Variants in RANBP2 observed in about 807,000 individuals in gnomAD.
The protein encoded by RANBP2 is E3 SUMO-protein ligase RanBP2.
Under a neutral mutation model 303.6 loss-of-function variants are expected in RANBP2, and 57 were observed. That is an observed-to-expected ratio of 0.19 (90% CI 0.15 to 0.23). The LOEUF is 0.23. RANBP2 is among the 10% of genes least tolerant of loss of function. RANBP2 has a pLI of 1.00. For synonymous variants in RANBP2, 1,167 were observed against 1,301.5 expected, an observed-to-expected ratio of 0.90 and a Z score of 2.23; for missense variants, 3,138 against 3,780.8, an observed-to-expected ratio of 0.83 and a Z score of 4.46.
the RANBP2 span, among the ~76,000 whole-genome samples, chr2:109,510,733 C>T: frequency 2.6e-5 from 4 of 152,202 alleles, no homozygotes; most frequent in South Asian, 2.1e-4. Context: ...GGAAGGGCCC[C>T]GTCTGACCAG....
rs748245436 is a variant in RANBP2 at position 108,736,088 on chromosome 2, T to C, written c.637-16T>C. On this transcript the variant is annotated splice_polypyrimidine_tract_variant and intron_variant, in intron 5 of 28. Transcript: ENST00000283195. ...TTGATTAAGTTTTGTAACTTACTGTTCATTCCACAAAATAGGAATATCTGG... is the reference window on the plus strand; with the variant it reads ...TTGATTAAGTTTTGTAACTTACTGTCCATTCCACAAAATAGGAATATCTGG... The C allele has an allele frequency of 6.2e-7, 1 of 1,611,760 alleles. No homozygotes were observed. Among genetic ancestry groups the C allele is most frequent in the Non-Finnish European group, 8.5e-7 (1 of 1,179,774 alleles).
At chr2:109,480,454 A>C in the RANBP2 span, among the ~76,000 whole-genome samples, 1 of 152,176 alleles carries the variant, frequency 6.6e-6, no homozygotes, top group Non-Finnish European at 1.5e-5. Context: ...AGTAATAAGG[A>C]GAGGAGTCCA....
At chr2:109,150,879 A>G in the RANBP2 span, among the ~76,000 whole-genome samples, 2 of 152,236 alleles carry the variant, frequency 1.3e-5, no homozygotes, top group Non-Finnish European at 2.9e-5. Context: ...AAATATGGGC[A>G]TATAAGTCAG....
the RANBP2 span, among the ~76,000 whole-genome samples, chr2:109,008,439 C>T: frequency 3.3e-5 from 5 of 152,256 alleles, no homozygotes; most frequent in Non-Finnish European, 7.4e-5. Context: ...CAAAAACAAG[C>T]TCAATATTTT....
chr2:109,152,731 A>T, the RANBP2 span, among the ~76,000 whole-genome samples: 12 of 152,178 alleles, frequency 7.9e-5, no homozygotes, highest in East Asian at 2.3e-3. Flanking sequence ...TTCCAACTTG[A>T]GTAGGCATGG....
chr2:109,500,962 A>T, the RANBP2 span, among the ~76,000 whole-genome samples: 1 of 152,186 alleles, frequency 6.6e-6, no homozygotes, highest in South Asian at 2.1e-4. Flanking sequence ...AAAAATAAGG[A>T]CAATTTACAT....
chr2:109,181,298 A>T, the RANBP2 span, among the ~76,000 whole-genome samples: 1 of 152,210 alleles, frequency 6.6e-6, no homozygotes, highest in African/African-American at 2.4e-5. Context: ...TTATGCTACC[A>T]TGGTACATTT....
chr2:108,831,682 A>G, the RANBP2 span, among the ~76,000 whole-genome samples: 1 of 140,466 alleles, frequency 7.1e-6, no homozygotes, highest in Non-Finnish European at 1.5e-5. Context: ...GATTTAGTAG[A>G]TCTGATGTGG....
chr2:108,790,159 TTAC>T (rs1679669907), downstream of RANBP2, among the ~76,000 whole-genome samples: 1 of 152,208 alleles, frequency 6.6e-6, no homozygotes, highest in Non-Finnish European at 1.5e-5. Context: ...ATCATTATTA[TTAC>T]TATTTCATGT....
At chr2:109,764,565 A>G in the RANBP2 span, among the ~76,000 whole-genome samples, 1 of 149,904 alleles carries the variant, frequency 6.7e-6, no homozygotes, top group Admixed American at 6.9e-5. Context: ...AAATGAGGAA[A>G]TTAAGACAAG....
chr2:108,791,926 T>C, the RANBP2 span: 2 of 986,462 alleles, frequency 2.0e-6, no homozygotes, highest in Non-Finnish European at 2.8e-6. Flanking sequence ...TCTGAACTTC[T>C]GTAAGCTAGG....
the RANBP2 span, chr2:109,501,647 G>A: frequency 1.4e-4 from 106 of 773,510 alleles, no homozygotes; most frequent in Admixed American, 1.3e-3. Flanking sequence ...GCCTCTTCCC[G>A]GGCAGCTTCG....
the RANBP2 span, among the ~76,000 whole-genome samples, chr2:109,589,772 A>G: frequency 6.6e-6 from 1 of 152,000 alleles, no homozygotes; most frequent in South Asian, 2.1e-4. Flanking sequence ...AAAATAATGA[A>G]AACATATGTC....
chr2:108,744,452 G>A (rs1254680505), intron 7 of RANBP2, among the ~76,000 whole-genome samples: 1 of 151,848 alleles, frequency 6.6e-6, no homozygotes, highest in Non-Finnish European at 1.5e-5. Context: ...TGATTGAGTG[G>A]ATTCACAACT....
At chr2:109,279,435 A>G in the RANBP2 span, among the ~76,000 whole-genome samples, 2 of 152,132 alleles carry the variant, frequency 1.3e-5, no homozygotes, top group African/African-American at 4.8e-5. Flanking sequence ...CCTCCTGTCT[A>G]CTGGGTCTTC....
chr2:108,906,242 T>A, the RANBP2 span: 1 of 1,572,958 alleles, frequency 6.4e-7, no homozygotes, highest in Non-Finnish European at 8.7e-7. Flanking sequence ...GCCTCAGGGC[T>A]CCGGGCCCAG....
the RANBP2 span, among the ~76,000 whole-genome samples, chr2:109,702,740 A>G: frequency 1.4e-4 from 22 of 151,804 alleles, no homozygotes; most frequent in Non-Finnish European, 2.6e-4. Flanking sequence ...GCTGACGGTC[A>G]CAGCCAGTTT....
At chr2:109,259,960 C>T in the RANBP2 span, among the ~76,000 whole-genome samples, 1 of 152,102 alleles carries the variant, frequency 6.6e-6, no homozygotes, top group Non-Finnish European at 1.5e-5. Context: ...TCTCAGACGC[C>T]CAGGGGTTTT....
chr2:109,449,809 G>T, the RANBP2 span, among the ~76,000 whole-genome samples: 1 of 152,204 alleles, frequency 6.6e-6, no homozygotes, highest in Non-Finnish European at 1.5e-5. Context: ...TACTCATTTT[G>T]TTAGAACAGG....
Sources: gnomAD v4.1 joint callset for allele counts (sites outside exome capture counted in the v4.1 genomes callset) on GRCh38, gnomAD v4.1.1 for gene constraint, MANE v1.5 for transcripts, NCBI Gene and HGNC (gene_info 2026-07-23, HGNC 2026-07-21) for gene names.